The following TMEM255B variants were observed in gnomAD, a reference collection of about 807,000 sequenced individuals.
The protein encoded by TMEM255B is family with sequence similarity 70, member B.
Under a neutral mutation model 34.5 loss-of-function variants are expected in TMEM255B, and 35 were observed. The observed-to-expected ratio is 1.01, with a 90% CI of 0.77 to 1.34. The LOEUF (loss-of-function observed/expected upper bound fraction) is 1.34. Ranked by LOEUF, TMEM255B falls within the 40% of genes most tolerant of loss-of-function variation. The probability of loss-of-function intolerance (pLI) is 0.00; values close to 1 mark genes in which losing one functional copy is unlikely to be tolerated. For synonymous variants in TMEM255B, 206 were observed against 201.2 expected (o/e 1.02, Z -0.20); for missense variants, 432 against 433.2 (o/e 1.00, Z 0.02).
chr13:113,778,079 C>T (rs905308381), intron 3 of TMEM255B, among the ~76,000 whole-genome samples: 15 of 152,162 alleles, frequency 9.9e-5, no homozygotes, highest in South Asian at 4.1e-4. Context: ...TGTCAGGAGA[C>T]GTGGATGGGA....
chr13:113,800,097 G>GTGT, intron 5 of TMEM255B: 1 of 1,125,632 alleles, frequency 8.9e-7, no homozygotes, highest in Non-Finnish European at 1.1e-6. Context: ...TGTGTGTGTG[G>GTGT]GGGGGGGTAG....
intron 3 of TMEM255B, among the ~76,000 whole-genome samples, chr13:113,790,902 A>T (rs2050822772): frequency 1.3e-5 from 2 of 152,248 alleles, no homozygotes. Context: ...ACTCTCGCTG[A>T]ATTTTACCTT....
rs1051275910 is a variant in TMEM255B at position 113,813,210 on chromosome 13, C to G, written c.*1307C>G. Reference sequence around the variant, plus strand: ...GTGATCCCATTGCTCCCCAGACGTGCCACAAGACACCAAGTCGCCGTCTCT... The same window carrying G: ...GTGATCCCATTGCTCCCCAGACGTGGCACAAGACACCAAGTCGCCGTCTCT... On this transcript the variant is annotated 3_prime_UTR_variant, in exon 9 of 9. Coordinates refer to ENST00000375353, the MANE Select transcript of TMEM255B (RefSeq NM_182614.4). The G allele has an allele frequency of 1.3e-5, 2 of 152,156 alleles. No individual in the cohort carries two copies. Among genetic ancestry groups the G allele is most frequent in the African/African-American group, 4.8e-5 (2 of 41,398 alleles). The allele number at this position is 152,156 out of a possible 1,614,324, so 9.4% of individuals were successfully genotyped here. A position where few individuals can be genotyped will look rare whatever the true frequency, so the allele number is the denominator to read the frequency against.
At chr13:113,781,682 G>T (rs1008341512) in intron 3 of TMEM255B, among the ~76,000 whole-genome samples, 1 of 152,106 alleles carries the variant, frequency 6.6e-6, no homozygotes, top group Non-Finnish European at 1.5e-5. Flanking sequence ...TATAAAGCAG[G>T]CAAGTTGTAC....
chr13:113,770,781 A>C lies in TMEM255B; in HGVS notation c.252+1621A>C, dbSNP rs1193644262. 6.6e-6 allele frequency among the ~76,000 whole-genome samples: 1 copy of C among 152,122 alleles called. No individual in the cohort carries two copies. Among genetic ancestry groups the C allele is most frequent in the African/African-American group, 2.4e-5 (1 of 41,414 alleles). ...ACAGACGCCACCTTTGGGAGCCAGC[A>C]TGCCCCCATGATGGTCTCTAGACAG... On this transcript the variant is annotated intron_variant, in intron 3 of 8. Transcript: ENST00000375353. This position sits in a 1 kb window ranked among gnomAD's most constrained non-coding sequence, Gnocchi z 4.6.
At chr13:113,802,289 C>T (rs1029968236) in intron 7 of TMEM255B, among the ~76,000 whole-genome samples, 5 of 152,174 alleles carry the variant, frequency 3.3e-5, no homozygotes, top group Non-Finnish European at 4.4e-5. Flanking sequence ...CTGGAAAGGC[C>T]GGCCCTCGCC....
chr13:113,803,825 TC>T (rs1301991779), intron 7 of TMEM255B, among the ~76,000 whole-genome samples: 3 of 49,662 alleles, frequency 6.0e-5, no homozygotes, highest in African/African-American at 2.7e-4. Flanking sequence ...GGCAGGGGGC[TC>T]CCTCCCAGCC....
chr13:113,766,340 C>A, intron 2 of TMEM255B, 83 bp downstream of exon 2: 1 of 1,581,030 alleles, frequency 6.3e-7, no homozygotes, highest in Non-Finnish European at 8.7e-7. Context: ...CGCCAGCTCA[C>A]AGGGCTGGGG....
chr13:113,799,817 G>A (rs771626655), intron 5 of TMEM255B: 2 of 637,064 alleles, frequency 3.1e-6, no homozygotes, highest in Admixed American at 4.3e-5. Flanking sequence ...TCTCTTTCCA[G>A]GTGAGTGAGA....
chr13:113,789,759 C>A (rs552639841), intron 3 of TMEM255B, among the ~76,000 whole-genome samples: 3 of 151,732 alleles, frequency 2.0e-5, no homozygotes, highest in Non-Finnish European at 2.9e-5. Context: ...CTGGACTGAC[C>A]GGGCATGTGG....
chr13:113,772,983 T>C lies in TMEM255B; in HGVS notation c.252+3823T>C, dbSNP rs185622995. Among the ~76,000 whole-genome samples, 140 of 152,316 alleles carry C rather than the reference T, an allele frequency of 9.2e-4. 1 individual carries two copies. The East Asian group carries it at 0.017, about 19-fold the overall frequency. ...GGGATGTGCTGAATCTGTAGCTCAG[T>C]GTAGGGAGTGTTACCATCTTAATAT... On this transcript the variant is annotated intron_variant, in intron 3 of 8. Transcript: ENST00000375353.
intron 3 of TMEM255B, among the ~76,000 whole-genome samples, chr13:113,783,054 T>C (rs2050689644): frequency 6.6e-6 from 1 of 152,188 alleles, no homozygotes; most frequent in Non-Finnish European, 1.5e-5. Flanking sequence ...TTTATAATTT[T>C]TTCTGGATAT....
In TMEM255B at chr13:113,812,885, TCACA is replaced by T; in HGVS notation, c.*983_*986del. On this transcript the variant is annotated 3_prime_UTR_variant, in exon 9 of 9. Coordinates refer to ENST00000375353, the MANE Select transcript of TMEM255B (RefSeq NM_182614.4). The stretch of plus-strand genomic sequence containing the variant: ...GGGTGGGTCACAGGTCCCGAGTGGG[TCACA>T]GGCCCCGGGTGAGTCACAGGCCCCG... 4 of 150,046 alleles carry T rather than the reference TCACA, an allele frequency of 2.7e-5. No individual in the cohort carries two copies. Among genetic ancestry groups the T allele is most frequent in the Non-Finnish European group, 5.6e-5 (4 of 71,410 alleles). The allele number at this position is 150,046 out of a possible 1,614,324, so 9.3% of individuals were successfully genotyped here.
chr13:113,808,452 G>C, intron 8 of TMEM255B, among the ~76,000 whole-genome samples: 1 of 152,196 alleles, frequency 6.6e-6, no homozygotes, highest in East Asian at 1.9e-4. Flanking sequence ...GGTTAACCCC[G>C]TGGTCCCAGG....
At chr13:113,787,559 C>A (rs757322975) in intron 3 of TMEM255B, among the ~76,000 whole-genome samples, 3 of 151,874 alleles carry the variant, frequency 2.0e-5, no homozygotes, top group Non-Finnish European at 4.4e-5. Flanking sequence ...ATGTGGGGAG[C>A]CCCTGAGTTT....
intron 3 of TMEM255B, among the ~76,000 whole-genome samples, chr13:113,771,404 G>A (rs1200535919): frequency 5.9e-5 from 9 of 152,150 alleles, no homozygotes; most frequent in Non-Finnish European, 7.3e-5. Flanking sequence ...TATATGGGCC[G>A]GACACGGTGG....
intron 2 of TMEM255B, chr13:113,768,174 G>A (rs781114063): frequency 1.3e-5 from 6 of 469,116 alleles, no homozygotes; most frequent in East Asian, 7.0e-5. Flanking sequence ...AAGTGCGACC[G>A]GCCCGGCGCA....
chr13:113,790,784 G>A (rs987354907), intron 3 of TMEM255B, among the ~76,000 whole-genome samples: 2 of 105,776 alleles, frequency 1.9e-5, no homozygotes, highest in African/African-American at 3.2e-5. Flanking sequence ...TGGACTGACC[G>A]GACACGTAGA....
chr13:113,810,510 A>G (rs2051277818), intron 8 of TMEM255B, among the ~76,000 whole-genome samples: 1 of 152,170 alleles, frequency 6.6e-6, no homozygotes, highest in Admixed American at 6.5e-5. Context: ...ATGGGAGAAT[A>G]CAGGTACCTA....
Sources: gnomAD v4.1 joint callset for allele counts (sites outside exome capture counted in the v4.1 genomes callset) on GRCh38, gnomAD v4.1.1 for gene constraint, Gnocchi (gnomAD v3.1) non-coding constraint, MANE v1.5 for transcripts, NCBI Gene and HGNC (gene_info 2026-07-23, HGNC 2026-07-21) for gene names.